The following ITGB1 variants were observed in gnomAD, a reference collection of about 807,000 sequenced individuals.
ITGB1 encodes integrin subunit beta 1.
ITGB1 carries 24 observed loss-of-function variants against 86.5 expected under a neutral mutation model. The ratio of observed to expected loss-of-function variants is 0.28; its 90% CI spans 0.20 to 0.39. The LOEUF (loss-of-function observed/expected upper bound fraction) is 0.39. Among genes scored for constraint, ITGB1 ranks in the 10% least tolerant of loss-of-function variants. The pLI, the probability that ITGB1 is intolerant of heterozygous loss-of-function variation, is 1.00. For missense variants in ITGB1, 556 were observed against 946.9 expected (o/e 0.59, Z 5.42); for synonymous variants, 323 against 316.8 (o/e 1.02, Z -0.21).
At chr10:32,926,253 A>G in intron 5 of ITGB1, 144 bp from the exon 6 acceptor site, 1 of 646,772 alleles carries the variant, frequency 1.5e-6, no homozygotes, top group Non-Finnish European at 2.7e-6. Flanking sequence ...AAATTCCTAC[A>G]TTGAAAACCT....
intron 11 of ITGB1, among the ~76,000 whole-genome samples, chr10:32,918,374 T>G (rs1411675147): frequency 3.3e-5 from 5 of 151,768 alleles, no homozygotes; most frequent in African/African-American, 1.2e-4. Flanking sequence ...TTGGAGGGAA[T>G]AATAATAATA....
chr10:32,912,988 C>T (rs180693193), intron 11 of ITGB1, among the ~76,000 whole-genome samples: 92 of 152,292 alleles, frequency 6.0e-4, no homozygotes, highest in African/African-American at 2.0e-3. Flanking sequence ...CAGGCAGCAA[C>T]ATTTGCCATT....
chr10:32,943,852 A>G (rs1176912419), intron 1 of ITGB1, among the ~76,000 whole-genome samples: 2 of 152,226 alleles, frequency 1.3e-5, no homozygotes, highest in Non-Finnish European at 2.9e-5. Flanking sequence ...TACTATCTTT[A>G]CCATACTGAG....
At chr10:32,932,635 TGAAG>T in intron 2 of ITGB1, 35 bp from the exon 3 acceptor site, 1 of 1,171,744 alleles carries the variant, frequency 8.5e-7, no homozygotes. Flanking sequence ...ACATTTTATG[TGAAG>T]TGTCAGAGAG....
chr10:32,939,596 C>A (rs934514962), intron 1 of ITGB1, among the ~76,000 whole-genome samples: 1 of 152,268 alleles, frequency 6.6e-6, no homozygotes, highest in Non-Finnish European at 1.5e-5. Flanking sequence ...TGTGTATCTA[C>A]GCACAGTTAG....
intron 11 of ITGB1, among the ~76,000 whole-genome samples, chr10:32,919,595 T>C (rs987503476): frequency 6.6e-6 from 1 of 152,202 alleles, no homozygotes; most frequent in Non-Finnish European, 1.5e-5. Flanking sequence ...GAAAATTGAT[T>C]GCTCTCACAT....
rs944125237 is a variant in ITGB1 at position 32,951,002 on chromosome 10, G to C, written c.-1+7143C>G. 2.2e-4 allele frequency among the ~76,000 whole-genome samples: 33 copies of C among 152,180 alleles called. 1 individual carries two copies. Among genetic ancestry groups the C allele is most frequent in the Admixed American group, 1.9e-3 (29 of 15,276 alleles). ...AAGGGAAAGATAAATAATGGATATA[G>C]TACGCATTGGCAAACAAAATGCCTA... On this transcript the variant is annotated intron_variant, in intron 1 of 15. Transcript: ENST00000302278.
chr10:32,947,288 T>G (rs1255753654), intron 1 of ITGB1, among the ~76,000 whole-genome samples: 1 of 137,416 alleles, frequency 7.3e-6, no homozygotes, highest in African/African-American at 2.4e-5. Context: ...AAACTGAAAT[T>G]TCATTAAATA....
chr10:32,916,665 C>A (rs1251236728), intron 11 of ITGB1, among the ~76,000 whole-genome samples: 1 of 152,154 alleles, frequency 6.6e-6, no homozygotes, highest in Non-Finnish European at 1.5e-5. Context: ...AGAAGAACTA[C>A]AAACCACTGC....
intron 1 of ITGB1, among the ~76,000 whole-genome samples, chr10:32,946,665 G>A (rs191882573): frequency 5.2e-5 from 7 of 134,626 alleles, no homozygotes; most frequent in African/African-American, 2.0e-4. Flanking sequence ...TGTATAAGCT[G>A]TTATTAATTG....
At position 32,902,128 on chromosome 10, in the gene ITGB1, G is replaced by A. The variant is rs910888725; in HGVS notation, c.2332-493C>T. 5.9e-5 allele frequency among the ~76,000 whole-genome samples: 9 copies of A among 152,152 alleles called. No individual in the cohort carries two copies. The East Asian group carries it at 1.7e-3, about 29-fold the overall frequency. On this transcript the variant is annotated intron_variant, in intron 15 of 15. Coordinates refer to ENST00000302278, the MANE Select transcript of ITGB1 (RefSeq NM_002211.4). ...CTCCTACGGAAGTTACTAATTTAGAGAGTAAGGCTGTCATTGTGTCAGGGA... is the reference window on the plus strand; with the variant it reads ...CTCCTACGGAAGTTACTAATTTAGAAAGTAAGGCTGTCATTGTGTCAGGGA...
At position 32,920,337 on chromosome 10, in the gene ITGB1, C is replaced by CTCCTTCT; in HGVS notation, c.1176_1177insAGAAGGA (p.Val393ArgfsTer33). ...CAGTAAGATTTGTAACTTATTGTTA[C>CTCCTTCT]GCCTTCTGACAATTTGCCGTTTTCC... On this transcript the variant is annotated frameshift_variant, in exon 10 of 16. Transcript: ENST00000302278. LOFTEE classifies it high-confidence loss of function. 6.2e-7 allele frequency: 1 copy of CTCCTTCT among 1,612,984 alleles called. No individual in the cohort carries two copies. The highest frequency in any genetic ancestry group is 1.7e-4 in the Middle Eastern group (1 of 6,058).
chr10:32,951,980 T>C (rs1412299204), intron 1 of ITGB1, among the ~76,000 whole-genome samples: 2 of 152,198 alleles, frequency 1.3e-5, no homozygotes, highest in East Asian at 3.8e-4. Flanking sequence ...CATTCCAAAA[T>C]GCTTCCTTGA....
intron 15 of ITGB1, among the ~76,000 whole-genome samples, chr10:32,903,351 C>CAAACAAAAAAA (rs1555218828): frequency 5.3e-5 from 3 of 57,030 alleles, no homozygotes; most frequent in African/African-American, 2.0e-4. Flanking sequence ...GACTCCATCT[C>CAAACAAAAAAA]AAAAAAAAAA....
intron 1 of ITGB1, among the ~76,000 whole-genome samples, chr10:32,937,977 C>T (rs1003521237): frequency 1.3e-5 from 2 of 152,154 alleles, no homozygotes. Context: ...CTCTGAGCAC[C>T]CGAGAGAAAA....
chr10:32,938,148 T>C (rs1348297947), intron 1 of ITGB1, among the ~76,000 whole-genome samples: 3 of 152,174 alleles, frequency 2.0e-5, no homozygotes, highest in African/African-American at 7.2e-5. Flanking sequence ...CCTACCAAAT[T>C]CACCTTTCAA....
intron 1 of ITGB1, among the ~76,000 whole-genome samples, chr10:32,955,009 G>A (rs190019464): frequency 6.7e-4 from 102 of 151,800 alleles, no homozygotes; most frequent in African/African-American, 2.2e-3. Flanking sequence ...TTCACCTACC[G>A]ACAGACATAT....
At chr10:32,940,225 G>T (rs2095015061) in intron 1 of ITGB1, among the ~76,000 whole-genome samples, 1 of 151,874 alleles carries the variant, frequency 6.6e-6, no homozygotes, top group Non-Finnish European at 1.5e-5. Flanking sequence ...CGCATCTGTA[G>T]TCCCAGCTAC....
intron 9 of ITGB1, among the ~76,000 whole-genome samples, chr10:32,921,264 C>A (rs1315007160): frequency 1.3e-5 from 2 of 151,682 alleles, no homozygotes; most frequent in Non-Finnish European, 2.9e-5. Flanking sequence ...GGTACAATGG[C>A]AAGCTATCTC....
Sources: gnomAD v4.1 joint callset for allele counts (sites outside exome capture counted in the v4.1 genomes callset) on GRCh38, gnomAD v4.1.1 for gene constraint, MANE v1.5 for transcripts, NCBI Gene and HGNC (gene_info 2026-07-23, HGNC 2026-07-21) for gene names.